The following ZFHX3 variants were observed in gnomAD, a reference collection of about 807,000 sequenced individuals.
ZFHX3 encodes zinc finger homeobox 3.
ZFHX3 carries 42 observed loss-of-function variants against 279.1 expected under a neutral mutation model. The ratio of observed to expected loss-of-function variants is 0.15; its 90% confidence interval spans 0.12 to 0.19. The LOEUF is 0.19. Ranked by LOEUF, ZFHX3 falls within the 10% of genes least tolerant of loss-of-function variation. The pLI, the probability that ZFHX3 is intolerant of heterozygous loss-of-function variation, is 1.00. For missense variants in ZFHX3, 4,981 were observed against 4,754.0 expected, an observed-to-expected ratio of 1.05 and a Z score of -1.40; for synonymous variants, 2,293 against 1,957.8, an observed-to-expected ratio of 1.17 and a Z score of -4.52.
intron 1 of ZFHX3, among the ~76,000 whole-genome samples, chr16:73,007,004 T>A (rs1404003405): frequency 6.6e-6 from 1 of 152,232 alleles, no homozygotes; most frequent in East Asian, 1.9e-4. Context: ...CCCCAAATAT[T>A]TTTGATTTGC....
In ZFHX3 at chr16:72,795,554, C is replaced by T. The variant is rs776815322; in HGVS notation, c.7128G>A (p.Thr2376=). 1.4e-5 allele frequency: 23 copies of T among 1,613,942 alleles called. No individual in the cohort carries two copies. Among genetic ancestry groups the T allele is most frequent in the African/African-American group, 4.0e-5 (3 of 74,872 alleles). Residue 2376 remains threonine, a synonymous_variant, in exon 9 of 10, where the codon ACG becomes ACA. Transcript: ENST00000268489. ...GGGTACTGCAGGATGAGCTGGTAGG[C>T]GTCAGGATTTCCATGGCATCCATGG... ...EDSMDAMEIL[T]PTSSSCSTPM...
chr16:73,309,646 TG>T (rs1466285077), intron 4 of ZFHX3, among the ~76,000 whole-genome samples: 1 of 152,128 alleles, frequency 6.6e-6, no homozygotes. Flanking sequence ...AGTATTATAA[TG>T]GGAACATGTT....
intron 5 of ZFHX3, among the ~76,000 whole-genome samples, chr16:73,173,823 G>T (rs887074808): frequency 1.3e-5 from 2 of 152,276 alleles, no homozygotes; most frequent in South Asian, 4.2e-4. Context: ...GGGGCGCAGG[G>T]CAGTTGCAAG....
At chr16:72,819,121 TAC>T (rs1303428287) in intron 5 of ZFHX3, among the ~76,000 whole-genome samples, 1 of 152,206 alleles carries the variant, frequency 6.6e-6, no homozygotes, top group African/African-American at 2.4e-5. Flanking sequence ...AGGACCCATG[TAC>T]ACTTCACCCA....
At chr16:73,581,395 G>C (rs375215110) in intron 2 of ZFHX3, among the ~76,000 whole-genome samples, 23 of 151,698 alleles carry the variant, frequency 1.5e-4, no homozygotes, top group Middle Eastern at 3.2e-3. Context: ...TTCATATACT[G>C]TTTGTATAAG....
intron 5 of ZFHX3, among the ~76,000 whole-genome samples, chr16:73,231,868 C>T (rs542219504): frequency 7.1e-4 from 108 of 152,188 alleles, no homozygotes; most frequent in Non-Finnish European, 1.4e-3. Flanking sequence ...AAATCCTTAG[C>T]CTCGATGAGT....
chr16:73,018,837 C>G (rs1964197366), intron 1 of ZFHX3, among the ~76,000 whole-genome samples: 1 of 152,132 alleles, frequency 6.6e-6, no homozygotes, highest in African/African-American at 2.4e-5. Context: ...TACAGCTCTT[C>G]TCATTCAAAG....
intron 5 of ZFHX3, among the ~76,000 whole-genome samples, chr16:73,254,145 C>T (rs560713444): frequency 6.8e-4 from 103 of 152,260 alleles, no homozygotes; most frequent in African/African-American, 2.4e-3. Context: ...CTGTGGGACT[C>T]CTCTAACAGG....
At chr16:73,565,843 G>T (rs565066004) in intron 2 of ZFHX3, among the ~76,000 whole-genome samples, 2 of 152,186 alleles carry the variant, frequency 1.3e-5, no homozygotes, top group African/African-American at 4.8e-5. Flanking sequence ...TGCCTCACTC[G>T]TGTTGCTAGT....
At chr16:73,453,508 G>A (rs2143564153) in intron 3 of ZFHX3, among the ~76,000 whole-genome samples, 1 of 152,334 alleles carries the variant, frequency 6.6e-6, no homozygotes, top group Middle Eastern at 3.4e-3. Context: ...TAAAGAGACG[G>A]TGTCAGAAAA....
chr16:73,432,825 G>C (rs991779427), intron 3 of ZFHX3, among the ~76,000 whole-genome samples: 2 of 152,072 alleles, frequency 1.3e-5, no homozygotes, highest in Non-Finnish European at 2.9e-5. Context: ...GCTACACAAG[G>C]CTCCGGATAG....
At chr16:72,865,514 T>C (rs749890284) in intron 4 of ZFHX3, among the ~76,000 whole-genome samples, 13 of 152,314 alleles carry the variant, frequency 8.5e-5, no homozygotes, top group African/African-American at 1.7e-4. Flanking sequence ...CAGAATGAAC[T>C]TGGATCTTGT....
At chr16:73,125,609 C>T (rs187334392) in intron 7 of ZFHX3, among the ~76,000 whole-genome samples, 250 of 152,010 alleles carry the variant, frequency 1.6e-3, no homozygotes, top group African/African-American at 5.8e-3. Flanking sequence ...AGAGAGACTC[C>T]CTAGCCTCCC....
At chr16:73,171,678 G>A (rs544074656) in intron 5 of ZFHX3, among the ~76,000 whole-genome samples, 1 of 152,238 alleles carries the variant, frequency 6.6e-6, no homozygotes, top group Non-Finnish European at 1.5e-5. Flanking sequence ...CACCCTGAGG[G>A]GGAATGTTAA....
In ZFHX3 at chr16:73,623,497, C is replaced by T. The variant is rs149503869; in HGVS notation, c.-1547+56683G>A. Among the ~76,000 whole-genome samples the T allele has an allele frequency of 2.6e-5, 4 of 152,224 alleles. No individual in the cohort carries two copies. In the East Asian group the frequency reaches 7.7e-4, roughly 29 times the overall value. Reference sequence around the variant, plus strand: ...CAGGTAAATGAGGGCCCATATAAAACAGGCAAGTATTGATGTTGTAGTAAA... The same window carrying T: ...CAGGTAAATGAGGGCCCATATAAAATAGGCAAGTATTGATGTTGTAGTAAA... On this transcript the variant is annotated intron_variant, in intron 2 of 17. Coordinates refer to the ZFHX3 transcript ENST00000641206.
chr16:73,403,795 C>T (rs2017305781), intron 3 of ZFHX3, among the ~76,000 whole-genome samples: 1 of 152,150 alleles, frequency 6.6e-6, no homozygotes, highest in Admixed American at 6.5e-5. Context: ...GGCCTGTCAA[C>T]CCCTGGGAGA....
At chr16:73,070,374 C>T (rs1011939292) in intron 8 of ZFHX3, among the ~76,000 whole-genome samples, 2 of 150,530 alleles carry the variant, frequency 1.3e-5, no homozygotes, top group African/African-American at 5.0e-5. Context: ...TGGCCCAAGA[C>T]ACTCATAGCA....
rs372771504 is a variant in ZFHX3 at position 73,539,324 on chromosome 16, C to T, written c.-1546-83066G>A. 4.1e-4 allele frequency among the ~76,000 whole-genome samples: 62 copies of T among 151,364 alleles called. No homozygotes were observed. The East Asian group carries it at 4.7e-3, about 11-fold the overall frequency. The stretch of plus-strand genomic sequence containing the variant: ...GTTATCAGGTGAAACTGATTTTACG[C>T]GCCCACCCGCCTCTCCTGCAAGCCC... On this transcript the variant is annotated intron_variant, in intron 2 of 17. Coordinates refer to the ZFHX3 transcript ENST00000641206.
At chr16:73,146,951 C>A (rs1398039605) in intron 5 of ZFHX3, among the ~76,000 whole-genome samples, 1 of 152,168 alleles carries the variant, frequency 6.6e-6, no homozygotes, top group Non-Finnish European at 1.5e-5. Context: ...AGCCACCGTG[C>A]CTGGCTGGTA....
Sources: allele counts gnomAD v4.1 joint callset (sites outside exome capture counted in the v4.1 genomes callset), GRCh38; gene constraint gnomAD v4.1.1; transcripts MANE v1.5; gene names NCBI Gene and HGNC (gene_info 2026-07-23, HGNC 2026-07-21).